The following CACNB4 variants were observed in gnomAD, a reference collection of about 807,000 sequenced individuals.
CACNB4 encodes the protein voltage-dependent L-type calcium channel subunit beta-4.
A neutral mutation model predicts 71.2 loss-of-function variants in CACNB4; 32 were observed. That is an observed-to-expected ratio of 0.45 (90% confidence interval 0.34 to 0.60). CACNB4 has a LOEUF of 0.60. Among genes scored for constraint, CACNB4 ranks in the 20% least tolerant of loss-of-function variants. The pLI, the probability that CACNB4 is intolerant of heterozygous loss-of-function variation, is 0.01. For missense variants in CACNB4, 464 were observed against 647.9 expected, an observed-to-expected ratio of 0.72 and a Z score of 3.08; for synonymous variants, 231 against 236.9, an observed-to-expected ratio of 0.97 and a Z score of 0.23.
chr2:151,954,340 G>T (rs190882774), intron 2 of CACNB4, among the ~76,000 whole-genome samples: 112 of 152,328 alleles, frequency 7.4e-4, no homozygotes, highest in African/African-American at 2.3e-3. Context: ...TCCAAGGAAT[G>T]TTTCATAAGC....
intron 2 of CACNB4, among the ~76,000 whole-genome samples, chr2:152,052,906 C>T (rs922287091): frequency 4.0e-5 from 6 of 151,786 alleles, no homozygotes; most frequent in East Asian, 1.9e-4. Flanking sequence ...CGCTTGAACC[C>T]GGGAGATGGA....
chr2:151,916,908 G>T (rs1322131315), intron 2 of CACNB4, among the ~76,000 whole-genome samples: 1 of 152,198 alleles, frequency 6.6e-6, no homozygotes, highest in Non-Finnish European at 1.5e-5. Context: ...CAATGCACAG[G>T]ACAGGTCTCC....
intron 2 of CACNB4, among the ~76,000 whole-genome samples, chr2:152,089,613 GCT>G (rs1178715305): frequency 2.0e-5 from 3 of 152,262 alleles, no homozygotes; most frequent in African/African-American, 7.2e-5. Context: ...GTTCTAGGAA[GCT>G]CTCTCTTCCA....
chr2:151,921,686 T>C (rs1380593518), intron 2 of CACNB4, among the ~76,000 whole-genome samples: 1 of 152,210 alleles, frequency 6.6e-6, no homozygotes, highest in Non-Finnish European at 1.5e-5. Context: ...CCAAATTTCA[T>C]GTTGAATTGT....
intron 2 of CACNB4, among the ~76,000 whole-genome samples, chr2:151,940,804 T>C (rs2099864044): frequency 6.6e-6 from 1 of 152,192 alleles, no homozygotes; most frequent in South Asian, 2.1e-4. Flanking sequence ...GGAATAGAGA[T>C]GCATGAATAT....
At chr2:151,899,091 G>C (rs1314922565) in intron 2 of CACNB4, among the ~76,000 whole-genome samples, 1 of 152,248 alleles carries the variant, frequency 6.6e-6, no homozygotes, top group African/African-American at 2.4e-5. Flanking sequence ...CAGTCCTGAG[G>C]ATGACAGGTA....
intron 2 of CACNB4, chr2:151,968,016 C>T (rs2099871595): frequency 6.6e-6 from 1 of 152,182 alleles, no homozygotes; most frequent in Non-Finnish European, 1.5e-5. Flanking sequence ...GCTATCTGGG[C>T]TACCTTCTTT....
In CACNB4 at chr2:151,839,020, G is replaced by A. The variant is rs2099835503; in HGVS notation, c.*99C>T. 3 of 1,108,856 alleles carry A rather than the reference G, an allele frequency of 2.7e-6. No homozygotes were observed. The highest frequency in any genetic ancestry group is 1.3e-6 in the Non-Finnish European group (1 of 772,176). 68.7% of individuals were successfully genotyped at this position (1,108,856 alleles called of 1,614,324 possible). On this transcript the variant is annotated 3_prime_UTR_variant, in exon 14 of 14. Coordinates refer to ENST00000539935, the MANE Select transcript of CACNB4 (RefSeq NM_000726.5). ...AAAATGACAGCAGCCCATTAGCACA[G>A]TAAATACTGTGCTATGTTAGCCAAG...
At chr2:151,901,400 T>C (rs567413146) in intron 2 of CACNB4, among the ~76,000 whole-genome samples, 53 of 152,234 alleles carry the variant, frequency 3.5e-4, no homozygotes, top group African/African-American at 1.3e-3. Context: ...AAAAATAAAA[T>C]GTAGTAGAGG....
chr2:151,965,747 T>C (rs375551791), intron 2 of CACNB4, among the ~76,000 whole-genome samples: 1 of 19,270 alleles, frequency 5.2e-5, no homozygotes, highest in African/African-American at 7.6e-5. Context: ...ATTTTTTTTT[T>C]TAGAGATGAG....
chr2:152,086,874 T>C (rs1432247820), intron 2 of CACNB4, among the ~76,000 whole-genome samples: 1 of 152,200 alleles, frequency 6.6e-6, no homozygotes, highest in Non-Finnish European at 1.5e-5. Flanking sequence ...CTCACGCCTA[T>C]AATCCCAACA....
chr2:151,894,634 C>T (rs147963188), intron 2 of CACNB4, among the ~76,000 whole-genome samples: 3 of 152,158 alleles, frequency 2.0e-5, no homozygotes, highest in South Asian at 2.1e-4. Context: ...TCTTTACAGA[C>T]GACATGATCT....
At chr2:152,055,289 G>T (rs1320166219) in intron 2 of CACNB4, among the ~76,000 whole-genome samples, 5 of 152,212 alleles carry the variant, frequency 3.3e-5, no homozygotes, top group Non-Finnish European at 7.3e-5. Context: ...TGGGATTACA[G>T]GTGTGAGCCA....
intron 2 of CACNB4, among the ~76,000 whole-genome samples, chr2:151,947,639 T>A (rs111637255): frequency 3.4e-3 from 523 of 152,186 alleles, no homozygotes; most frequent in Middle Eastern, 0.02. Flanking sequence ...AGGGAGAAGG[T>A]TCTTTCATTT....
At chr2:151,864,074 T>G (rs2099842461) in intron 9 of CACNB4, among the ~76,000 whole-genome samples, 1 of 152,194 alleles carries the variant, frequency 6.6e-6, no homozygotes. Context: ...TAACTTAAAG[T>G]GGTATCCTTT....
chr2:151,846,926 T>C (rs1682647962), intron 12 of CACNB4, among the ~76,000 whole-genome samples: 2 of 152,132 alleles, frequency 1.3e-5, no homozygotes, highest in African/African-American at 4.8e-5. Context: ...AACTCTCCCA[T>C]GCATATAATA....
At chr2:152,012,172 A>G (rs1683092571) in intron 2 of CACNB4, among the ~76,000 whole-genome samples, 1 of 151,724 alleles carries the variant, frequency 6.6e-6, no homozygotes, top group South Asian at 2.1e-4. Context: ...AGAAGGCATC[A>G]TTGTCATAGC....
chr2:151,924,609 G>T (rs1329930036), intron 2 of CACNB4, among the ~76,000 whole-genome samples: 1 of 151,752 alleles, frequency 6.6e-6, no homozygotes, highest in East Asian at 1.9e-4. Context: ...GAGAAAAGTT[G>T]TAATATGATG....
chr2:151,870,187 T>C (rs889740676), intron 8 of CACNB4: 2 of 679,002 alleles, frequency 2.9e-6, no homozygotes, highest in Non-Finnish European at 5.3e-6. Flanking sequence ...TCTTGTGCTG[T>C]TCATTCTCTA....
Sources: allele counts gnomAD v4.1 joint callset (sites outside exome capture counted in the v4.1 genomes callset), GRCh38; gene constraint gnomAD v4.1.1; transcripts MANE v1.5; gene names NCBI Gene and HGNC (gene_info 2026-07-23, HGNC 2026-07-21).